Variants in APCDD1L observed in about 807,000 individuals in gnomAD.
The protein encoded by APCDD1L is protein APCDD1-like.
Under a neutral mutation model 24.2 loss-of-function variants are expected in APCDD1L, and 21 were observed. The ratio of observed to expected loss-of-function variants is 0.87; its 90% confidence interval spans 0.61 to 1.25. The LOEUF (loss-of-function observed/expected upper bound fraction) is 1.25, where lower values mean the gene tolerates loss of function less well. APCDD1L is among the 50% of genes most tolerant of loss of function. The probability of loss-of-function intolerance (pLI) is 0.00; values close to 1 mark genes in which losing one functional copy is unlikely to be tolerated. For missense variants in APCDD1L, 704 were observed against 711.7 expected, an observed-to-expected ratio of 0.99 and a Z score of 0.12; for synonymous variants, 321 against 323.6, an observed-to-expected ratio of 0.99 and a Z score of 0.09.
chr20:58,470,836 G>T (rs1989799140), intron 1 of APCDD1L, 89 bp from the exon 2 acceptor site: 2 of 1,461,284 alleles, frequency 1.4e-6, no homozygotes, highest in Admixed American at 4.7e-5. Context: ...TGGCCACAGA[G>T]AGCCAGGCAG....
chr20:58,514,360 G>A (rs1293324226), intron 1 of APCDD1L, among the ~76,000 whole-genome samples: 1 of 152,198 alleles, frequency 6.6e-6, no homozygotes, highest in Admixed American at 6.5e-5. Context: ...CGGTCCCACT[G>A]GGCCCGGCAC....
intron 1 of APCDD1L, among the ~76,000 whole-genome samples, chr20:58,471,110 G>A (rs1045714097): frequency 2.6e-5 from 4 of 152,210 alleles, no homozygotes; most frequent in African/African-American, 7.2e-5. Flanking sequence ...CCGTGGCTGA[G>A]TCCTGCCTGC....
intron 3 of APCDD1L, among the ~76,000 whole-genome samples, chr20:58,466,148 G>T (rs996593166): frequency 1.6e-4 from 22 of 139,098 alleles, no homozygotes; most frequent in South Asian, 1.2e-3. Context: ...AAAAAAGTGT[G>T]CTGGGGGACT....
chr20:58,513,995 G>A (rs1990684030), intron 1 of APCDD1L: 2 of 1,268,274 alleles, frequency 1.6e-6, no homozygotes, highest in Admixed American at 2.4e-5. Flanking sequence ...CCCCTGTGAT[G>A]GCACACTCCA....
intron 1 of APCDD1L, among the ~76,000 whole-genome samples, chr20:58,489,387 A>G (rs988230740): frequency 1.3e-5 from 2 of 151,912 alleles, no homozygotes; most frequent in African/African-American, 4.8e-5. Flanking sequence ...AAAAATAAAA[A>G]CAAAAAAAAA....
At chr20:58,509,983 C>T (rs1039858447) in intron 1 of APCDD1L, among the ~76,000 whole-genome samples, 1 of 152,212 alleles carries the variant, frequency 6.6e-6, no homozygotes, top group Non-Finnish European at 1.5e-5. Context: ...CCCTCACTCT[C>T]TTTTCTTTTG....
At chr20:58,470,786 C>T (rs1440116061) in intron 1 of APCDD1L, 39 bp from the exon 2 acceptor site, 2 of 1,499,918 alleles carry the variant, frequency 1.3e-6, no homozygotes, top group African/African-American at 1.4e-5. Context: ...CCCAGCATGC[C>T]CCGGGAACAC....
chr20:58,463,107 A>AGT, intron 3 of APCDD1L, among the ~76,000 whole-genome samples: 2 of 134,168 alleles, frequency 1.5e-5, no homozygotes, highest in African/African-American at 2.9e-5. Context: ...GTGCCACTGC[A>AGT]CTCCAGCCTG....
chr20:58,482,816 A>G (rs1281116158), intron 1 of APCDD1L, among the ~76,000 whole-genome samples: 1 of 152,190 alleles, frequency 6.6e-6, no homozygotes, highest in Non-Finnish European at 1.5e-5. Flanking sequence ...CCACAGGTGG[A>G]GAGGCCCAAA....
rs543867451 is a variant in APCDD1L, at chr20:58,486,947, C to T, written c.50-16200G>A. The stretch of plus-strand genomic sequence containing the variant: ...CACAATCTTGGCTCACTGCAACCTC[C>T]GCCTCCCAGGTTCAAGCAATTCTCC... On this transcript the variant is annotated intron_variant, in intron 1 of 3. Coordinates refer to ENST00000371149, the MANE Select transcript of APCDD1L (RefSeq NM_153360.3). Among the ~76,000 whole-genome samples the T allele has an allele frequency of 6.9e-4, 95 of 137,860 alleles. 1 individual carries two copies. The highest frequency in any genetic ancestry group is 3.3e-3 in the South Asian group (14 of 4,240). 90.4% of individuals were successfully genotyped at this position (137,860 alleles called of 152,430 possible).
In APCDD1L at chr20:58,497,083, G is replaced by A. The variant is rs1378561071; in HGVS notation, c.49+17576C>T. The stretch of plus-strand genomic sequence containing the variant: ...CCTTTGAGGAGTGAGGCCATGCAGG[G>A]GACAGCTCGAGAAAGACAGGGCTCC... On this transcript the variant is annotated intron_variant, in intron 1 of 3. Transcript: ENST00000371149. This position sits in a 1 kb window ranked among gnomAD's most constrained non-coding sequence, Gnocchi z 4.3. Among the ~76,000 whole-genome samples, 1 of 152,114 alleles carries A rather than the reference G, an allele frequency of 6.6e-6. No individual in the cohort carries two copies. The highest frequency in any genetic ancestry group is 6.5e-5 in the Admixed American group (1 of 15,280).
At chr20:58,513,398 G>T (rs1990669427) in intron 1 of APCDD1L, among the ~76,000 whole-genome samples, 1 of 152,172 alleles carries the variant, frequency 6.6e-6, no homozygotes, top group Non-Finnish European at 1.5e-5. Context: ...GGCAGGGGAA[G>T]CGGCCCCTGG....
chr20:58,462,455 T>C (rs1989626779), intron 3 of APCDD1L, among the ~76,000 whole-genome samples: 1 of 152,100 alleles, frequency 6.6e-6, no homozygotes, highest in African/African-American at 2.4e-5. Context: ...GAATAGAGGA[T>C]TTTTGTCTTT....
chr20:58,463,894 T>TTTG (rs1491147308), intron 3 of APCDD1L, among the ~76,000 whole-genome samples: 1 of 52,390 alleles, frequency 1.9e-5, no homozygotes, highest in African/African-American at 5.4e-5. Flanking sequence ...AGTTTTTTTT[T>TTTG]GGGGGGGGGG....
Position 58,470,638 on chromosome 20 carries a change from T to A in APCDD1L, c.159A>T (p.Pro53=), listed in dbSNP as rs372663041. The part of the protein sequence containing the change: ...DRVPSTAILP[P]RLNGPWISTG... ...TGGAGATCCAAGGTCCATTAAGGCG[T>A]GGAGGCAGGATCGCAGTGCTGGGCA... The change falls in exon 2 of 4, where the codon CCA becomes CCT. Residue 53 remains proline, a synonymous_variant. Coordinates refer to ENST00000371149, the MANE Select transcript of APCDD1L (RefSeq NM_153360.3). The A allele has an allele frequency of 1.6e-5, 25 of 1,584,056 alleles. No individual in the cohort carries two copies. The South Asian group carries it at 1.6e-4, about 10-fold the overall frequency.
chr20:58,488,484 C>A (rs1158277659), intron 1 of APCDD1L, among the ~76,000 whole-genome samples: 2 of 152,178 alleles, frequency 1.3e-5, no homozygotes, highest in African/African-American at 2.4e-5. Flanking sequence ...CATACAATGT[C>A]TCAACAAATT....
chr20:58,467,985 C>T lies in APCDD1L; in HGVS notation c.189-327G>A, dbSNP rs1057442449. 6.6e-6 allele frequency among the ~76,000 whole-genome samples: 1 copy of T among 152,158 alleles called. No individual in the cohort carries two copies. Among genetic ancestry groups the T allele is most frequent in the Non-Finnish European group, 1.5e-5 (1 of 68,016 alleles). On this transcript the variant is annotated intron_variant, in intron 2 of 3. Transcript: ENST00000371149. This position sits in a 1 kb window ranked among gnomAD's most constrained non-coding sequence, Gnocchi z 5.9. Reference sequence around the variant, plus strand: ...CTCCGGGATGCCCTGCCTGCTTCCTCCCCCGCTGGACTCTGGGCACCTGGC... The same window carrying T: ...CTCCGGGATGCCCTGCCTGCTTCCTTCCCCGCTGGACTCTGGGCACCTGGC...
chr20:58,471,750 C>T (rs1989815616), intron 1 of APCDD1L, among the ~76,000 whole-genome samples: 2 of 152,228 alleles, frequency 1.3e-5, no homozygotes, highest in Admixed American at 1.3e-4. Flanking sequence ...GTGGGAAGCT[C>T]GGCAGTGAGC....
chr20:58,513,832 T>A, intron 1 of APCDD1L: 1 of 1,247,108 alleles, frequency 8.0e-7, no homozygotes, highest in Non-Finnish European at 1.1e-6. Flanking sequence ...GCCAGACGGG[T>A]TGATATGATG....
Sources: allele counts gnomAD v4.1 joint callset (sites outside exome capture counted in the v4.1 genomes callset), GRCh38; gene constraint gnomAD v4.1.1; non-coding constraint Gnocchi (gnomAD v3.1); transcripts MANE v1.5; gene names NCBI Gene and HGNC (gene_info 2026-07-23, HGNC 2026-07-21).